The following ZNF385D variants were observed in gnomAD, a reference collection of about 807,000 sequenced individuals.
ZNF385D encodes the protein zinc finger protein 659.
Under a neutral mutation model 35.8 loss-of-function variants are expected in ZNF385D, and 15 were observed. That is an observed-to-expected ratio of 0.42 (90% CI 0.28 to 0.64). The LOEUF (loss-of-function observed/expected upper bound fraction) is 0.64, where lower values mean the gene tolerates loss of function less well. ZNF385D is among the 30% of genes least tolerant of loss of function. The probability of loss-of-function intolerance (pLI) is 0.23; values close to 1 mark genes in which losing one functional copy is unlikely to be tolerated. For synonymous variants in ZNF385D, 212 were observed against 186.8 expected, an observed-to-expected ratio of 1.13 and a Z score of -1.10; for missense variants, 474 against 494.6, an observed-to-expected ratio of 0.96 and a Z score of 0.39.
intron 2 of ZNF385D, among the ~76,000 whole-genome samples, chr3:22,172,380 G>C (rs1489258968): frequency 6.6e-6 from 1 of 152,174 alleles, no homozygotes; most frequent in African/African-American, 2.4e-5. Context: ...CTCATTTTTA[G>C]TAAGCTATAT....
At position 21,960,894 on chromosome 3, in the gene ZNF385D, A is replaced by G. The variant is rs376667301; in HGVS notation, c.325+207923T>C. Among the ~76,000 whole-genome samples, 276 of 152,226 alleles carry G rather than the reference A, an allele frequency of 1.8e-3. 1 individual carries two copies. Among genetic ancestry groups the G allele is most frequent in the Middle Eastern group, 0.01 (3 of 294 alleles). On this transcript the variant is annotated intron_variant, in intron 3 of 5. Transcript: ENST00000494108. ...AAAAATACTGAGCTCTTGGAAGCAG[A>G]GTAGAATCGTGGGTATTAGAGGATA...
chr3:21,678,251 T>C (rs931133235), intron 1 of ZNF385D, among the ~76,000 whole-genome samples: 1 of 152,120 alleles, frequency 6.6e-6, no homozygotes, highest in Middle Eastern at 3.2e-3. Context: ...CTGATTTGTC[T>C]GTCAAAGCTT....
chr3:21,426,829 ATAAAT>A (rs1253121059), intron 5 of ZNF385D, among the ~76,000 whole-genome samples: 1 of 152,172 alleles, frequency 6.6e-6, no homozygotes, highest in African/African-American at 2.4e-5. Flanking sequence ...GGGACAATAA[ATAAAT>A]TAAACAGGTT....
At chr3:21,857,080 A>G (rs1262744848) in intron 3 of ZNF385D, among the ~76,000 whole-genome samples, 3 of 152,096 alleles carry the variant, frequency 2.0e-5, no homozygotes, top group African/African-American at 7.2e-5. Context: ...GCCTTTCCTC[A>G]CCGCAGTATT....
intron 3 of ZNF385D, among the ~76,000 whole-genome samples, chr3:22,005,627 A>G (rs966429951): frequency 2.0e-5 from 3 of 152,142 alleles, no homozygotes; most frequent in Non-Finnish European, 4.4e-5. Context: ...TTATATATCA[A>G]TAAGAATTAA....
intron 3 of ZNF385D, among the ~76,000 whole-genome samples, chr3:22,036,283 C>T (rs2125493400): frequency 6.6e-6 from 1 of 152,270 alleles, no homozygotes; most frequent in African/African-American, 2.4e-5. Flanking sequence ...CAAAGCAGAT[C>T]ACAGTTAATC....
chr3:21,765,390 T>C (rs968026363), intron 3 of ZNF385D, among the ~76,000 whole-genome samples: 2 of 152,120 alleles, frequency 1.3e-5, no homozygotes, highest in African/African-American at 4.8e-5. Flanking sequence ...TTATTTCATA[T>C]GAAATACACA....
At chr3:22,042,248 A>T (rs2125506827) in intron 3 of ZNF385D, among the ~76,000 whole-genome samples, 1 of 152,226 alleles carries the variant, frequency 6.6e-6, no homozygotes, top group African/African-American at 2.4e-5. Context: ...TGCAAAATGA[A>T]GATAACAGTC....
chr3:21,957,961 G>GAA (rs1474947336), intron 3 of ZNF385D, among the ~76,000 whole-genome samples: 1 of 152,068 alleles, frequency 6.6e-6, no homozygotes, highest in Non-Finnish European at 1.5e-5. Context: ...GACAGTACTT[G>GAA]AAACAAATGT....
intron 3 of ZNF385D, among the ~76,000 whole-genome samples, chr3:22,095,213 G>A (rs1273975685): frequency 5.3e-5 from 8 of 150,652 alleles, no homozygotes; most frequent in Admixed American, 4.0e-4. Flanking sequence ...AGGTGTGAAC[G>A]ATAGCACCTG....
intron 2 of ZNF385D, among the ~76,000 whole-genome samples, chr3:22,362,729 A>C (rs1696471789): frequency 6.6e-6 from 1 of 152,078 alleles, no homozygotes; most frequent in African/African-American, 2.4e-5. Context: ...AAACTCAATG[A>C]ATTTTTACAA....
intron 3 of ZNF385D, among the ~76,000 whole-genome samples, chr3:22,071,712 C>T (rs936620737): frequency 7.2e-5 from 11 of 152,026 alleles, no homozygotes; most frequent in African/African-American, 1.4e-4. Flanking sequence ...GTGAAGAAGA[C>T]GAAGAAGAAT....
rs184558986 is a variant in ZNF385D at position 22,084,050 on chromosome 3, C to G, written c.325+84767G>C. On this transcript the variant is annotated intron_variant, in intron 3 of 5. Coordinates refer to the ZNF385D transcript ENST00000494108. ...GAAATGCTGAGAGATTTTGTCACCA[C>G]CAGGCCTGTCTTACAAGAGCTCCTG... Among the ~76,000 whole-genome samples the G allele has an allele frequency of 4.6e-5, 7 of 152,254 alleles. No homozygotes were observed. In the East Asian group the frequency reaches 9.7e-4, roughly 21 times the overall value.
intron 2 of ZNF385D, among the ~76,000 whole-genome samples, chr3:21,581,480 A>G (rs1487272016): frequency 6.6e-6 from 1 of 152,172 alleles, no homozygotes; most frequent in African/African-American, 2.4e-5. Flanking sequence ...CAAAAGAGGT[A>G]GGGTGTTGTA....
intron 3 of ZNF385D, among the ~76,000 whole-genome samples, chr3:21,907,492 A>G (rs1283206076): frequency 3.3e-5 from 5 of 152,274 alleles, no homozygotes; most frequent in Admixed American, 2.6e-4. Context: ...GCTTGTGTGA[A>G]TAAGTCCTTA....
At chr3:21,778,836 A>C (rs2071389155) in intron 3 of ZNF385D, among the ~76,000 whole-genome samples, 1 of 151,938 alleles carries the variant, frequency 6.6e-6, no homozygotes, top group Non-Finnish European at 1.5e-5. Context: ...AAATATTGTG[A>C]TGAAAAGACT....
chr3:21,904,496 G>A (rs1575877875), intron 3 of ZNF385D, among the ~76,000 whole-genome samples: 1 of 152,020 alleles, frequency 6.6e-6, no homozygotes, highest in African/African-American at 2.4e-5. Context: ...TACATACTGA[G>A]ATACAAAAGA....
chr3:22,242,678 C>T (rs1452302636), intron 2 of ZNF385D, among the ~76,000 whole-genome samples: 1 of 151,082 alleles, frequency 6.6e-6, no homozygotes, highest in East Asian at 1.9e-4. Context: ...GTATTCTAAA[C>T]TGCATCCTGG....
At chr3:22,108,056 T>C (rs570698719) in intron 3 of ZNF385D, among the ~76,000 whole-genome samples, 3 of 151,784 alleles carry the variant, frequency 2.0e-5, no homozygotes, top group Non-Finnish European at 2.9e-5. Context: ...TGTCAGTGTA[T>C]TGATCTTACA....
Sources: allele counts gnomAD v4.1 joint callset (sites outside exome capture counted in the v4.1 genomes callset), GRCh38; gene constraint gnomAD v4.1.1; transcripts MANE v1.5; gene names NCBI Gene and HGNC (gene_info 2026-07-23, HGNC 2026-07-21).